The following TBL1X variants were observed in gnomAD, a reference collection of about 807,000 sequenced individuals.
The protein encoded by TBL1X is transducin beta like 1 X-linked.
TBL1X carries 10 observed loss-of-function variants against 50.7 expected under a neutral mutation model. That is an observed-to-expected ratio of 0.20 (90% CI 0.12 to 0.33). The LOEUF is 0.33. TBL1X is among the 10% of genes least tolerant of loss of function. The pLI is 1.00. For missense variants in TBL1X, 340 were observed against 504.4 expected (o/e 0.67, Z 3.12); for synonymous variants, 190 against 214.7 (o/e 0.88, Z 1.01).
At chrX:9,510,966 A>G (rs931388282) in intron 2 of TBL1X, among the ~76,000 whole-genome samples, 9 of 111,864 alleles carry the variant, frequency 8.0e-5, no homozygotes, top group African/African-American at 2.9e-4. Context: ...ACGCACGCAC[A>G]CATAAACAAA....
At chrX:9,652,900 C>T (rs1239222084) in intron 3 of TBL1X, among the ~76,000 whole-genome samples, 1 of 110,880 alleles carries the variant, frequency 9.0e-6, no homozygotes, top group Non-Finnish European at 1.9e-5. Context: ...GGTGTGGTGG[C>T]TCACGCCCGT....
intron 1 of TBL1X, among the ~76,000 whole-genome samples, chrX:9,469,091 A>G (rs2146921008): frequency 9.0e-6 from 1 of 111,402 alleles, no homozygotes; most frequent in East Asian, 2.8e-4. Context: ...AAGTGTTGAG[A>G]TTACAGGTGT....
intron 5 of TBL1X, among the ~76,000 whole-genome samples, chrX:9,674,020 C>T (rs1237356609): frequency 8.9e-6 from 1 of 111,836 alleles, no homozygotes; most frequent in East Asian, 2.8e-4. Flanking sequence ...GAGCTGAGAT[C>T]GTGCACTTGC....
At chrX:9,567,566 C>T (rs1044879787) in intron 2 of TBL1X, among the ~76,000 whole-genome samples, 3 of 111,860 alleles carry the variant, frequency 2.7e-5, no homozygotes, top group Admixed American at 9.4e-5. Context: ...CCACTCAAAC[C>T]GGTTGTCCAG....
At chrX:9,648,687 G>T (rs1451285262) in intron 3 of TBL1X, among the ~76,000 whole-genome samples, 1 of 112,224 alleles carries the variant, frequency 8.9e-6, no homozygotes, top group Non-Finnish European at 1.9e-5. Flanking sequence ...AGACAGGAAC[G>T]GCACACCAGT....
chrX:9,541,002 G>A (rs1244528664), intron 2 of TBL1X, among the ~76,000 whole-genome samples: 1 of 111,785 alleles, frequency 8.9e-6, no homozygotes, highest in African/African-American at 3.3e-5. Context: ...TTCACTTTTT[G>A]TTGTGGGGCA....
chrX:9,581,880 G>A (rs1387169926), intron 2 of TBL1X, among the ~76,000 whole-genome samples: 2 of 111,932 alleles, frequency 1.8e-5, no homozygotes, highest in Non-Finnish European at 3.8e-5. Flanking sequence ...GCTGAGTCCT[G>A]TTTCTTATTT....
intron 14 of TBL1X, 104 bp downstream of exon 14, chrX:9,709,426 C>A: frequency 1.0e-6 from 1 of 991,330 alleles, no homozygotes; most frequent in Non-Finnish European, 1.4e-6. Context: ...TTATTACTGA[C>A]CACCCTCCCT....
At chrX:9,654,446 T>C in intron 5 of TBL1X, 124 bp downstream of exon 5, 4 of 759,702 alleles carry the variant, frequency 5.3e-6, no homozygotes, top group Non-Finnish European at 7.8e-6. Context: ...AGGTTCTTAG[T>C]GCTGATGGGG....
chrX:9,634,252 G>T (rs2082735353), intron 2 of TBL1X, among the ~76,000 whole-genome samples: 1 of 110,533 alleles, frequency 9.0e-6, no homozygotes, highest in Non-Finnish European at 1.9e-5. Context: ...AGCTCCACCA[G>T]TCCCCAGCCC....
intron 2 of TBL1X, among the ~76,000 whole-genome samples, chrX:9,570,917 T>A (rs1281655759): frequency 9.0e-6 from 1 of 111,217 alleles, no homozygotes; most frequent in Non-Finnish European, 1.9e-5. Context: ...GACCTCGTGA[T>A]CTGCCCGCCT....
At chrX:9,507,912 C>G (rs2082034297) in intron 2 of TBL1X, among the ~76,000 whole-genome samples, 1 of 112,030 alleles carries the variant, frequency 8.9e-6, no homozygotes, top group South Asian at 3.7e-4. Flanking sequence ...GAAACTGGAC[C>G]CCTTCCTTAC....
intron 2 of TBL1X, among the ~76,000 whole-genome samples, chrX:9,600,211 A>G (rs767946636): frequency 9.0e-6 from 1 of 110,943 alleles, no homozygotes; most frequent in East Asian, 2.8e-4. Context: ...TGTATTGCTC[A>G]TAGCTCTGGA....
At position 9,546,058 on chromosome X, in the gene TBL1X, G is replaced by A. The variant is rs756683926; in HGVS notation, c.-131+44209G>A. ...CTCCTTCTCCATCCTTGGTGAAGGT[G>A]TATTCACCAGATGGCTCCCTGTTGA... is the stretch of plus-strand genomic sequence containing the variant. On this transcript the variant is annotated intron_variant, in intron 2 of 17. Transcript: ENST00000645353. Among the ~76,000 whole-genome samples, 7 of 111,859 alleles carry A rather than the reference G, an allele frequency of 6.3e-5. No homozygotes were observed. The East Asian group carries it at 1.4e-3, about 23-fold the overall frequency.
intron 5 of TBL1X, among the ~76,000 whole-genome samples, chrX:9,679,820 C>T (rs1193966884): frequency 3.6e-5 from 4 of 111,800 alleles, no homozygotes; most frequent in African/African-American, 6.5e-5. Flanking sequence ...CATTACCTTC[C>T]GCAGCACCCT....
chrX:9,690,735 G>C (rs895245911), intron 7 of TBL1X, among the ~76,000 whole-genome samples: 7 of 111,619 alleles, frequency 6.3e-5, no homozygotes, highest in African/African-American at 2.3e-4. Flanking sequence ...ATGGGCTGTA[G>C]TTAGCTGGCC....
At chrX:9,527,467 T>G (rs2082138539) in intron 2 of TBL1X, among the ~76,000 whole-genome samples, 1 of 111,605 alleles carries the variant, frequency 9.0e-6, no homozygotes, top group Admixed American at 9.5e-5. Context: ...AGGTTTGGGA[T>G]ATTTTGGTTT....
Position 9,716,762 on chromosome X carries a change from C to A in TBL1X, c.*516C>A, listed in dbSNP as rs1350851578. On this transcript the variant is annotated 3_prime_UTR_variant, in exon 18 of 18. Coordinates refer to ENST00000645353, the MANE Select transcript of TBL1X (RefSeq NM_005647.4). The stretch of plus-strand genomic sequence containing the variant: ...CGATGAAACGCGCAACTTTGTAATC[C>A]CAACACTTTCTATTTTCTAGAATCT... 8.8e-6 allele frequency: 1 copy of A among 113,238 alleles called. No homozygotes were observed. Among genetic ancestry groups the A allele is most frequent in the Admixed American group, 9.3e-5 (1 of 10,792 alleles). 9.3% of individuals were successfully genotyped at this position (113,238 alleles called of 1,213,427 possible). A position where few individuals can be genotyped will look rare whatever the true frequency, so the allele number is the denominator to read the frequency against.
chrX:9,622,801 C>T (rs954458955), intron 2 of TBL1X, among the ~76,000 whole-genome samples: 4 of 112,126 alleles, frequency 3.6e-5, no homozygotes, highest in Non-Finnish European at 5.6e-5. Context: ...TGTGCCTGAA[C>T]AGAATTTCAT....
Sources: gnomAD v4.1 joint callset for allele counts (sites outside exome capture counted in the v4.1 genomes callset) on GRCh38, gnomAD v4.1.1 for gene constraint, MANE v1.5 for transcripts, NCBI Gene and HGNC (gene_info 2026-07-23, HGNC 2026-07-21) for gene names.